PDS5B: variants seen among roughly 807,000 people sequenced by gnomAD.
PDS5B encodes PDS5 cohesin associated factor B.
PDS5B carries 51 observed loss-of-function variants against 184.1 expected under a neutral mutation model. The ratio of observed to expected loss-of-function variants is 0.28; its 90% confidence interval spans 0.22 to 0.35. The LOEUF (loss-of-function observed/expected upper bound fraction) is 0.35. PDS5B is among the 10% of genes least tolerant of loss of function. The pLI is 1.00. For missense variants in PDS5B, 1,180 were observed against 1,723.3 expected (o/e 0.68, Z 5.58); for synonymous variants, 566 against 569.2 (o/e 0.99, Z 0.08).
intron 10 of PDS5B, among the ~76,000 whole-genome samples, chr13:32,683,140 G>A (rs542078901): frequency 7.8e-4 from 118 of 152,090 alleles, no homozygotes; most frequent in Non-Finnish European, 1.5e-3. Flanking sequence ...AGCCTCGCGA[G>A]TAGCTGGGAC....
At position 32,688,682 on chromosome 13, in the gene PDS5B, A is replaced by C. The variant is rs1951463202; in HGVS notation, c.1469+113A>C. 4.1e-6 allele frequency: 3 copies of C among 731,406 alleles called. No individual in the cohort carries two copies. The African/African-American group carries it at 5.3e-5, about 13-fold the overall frequency. The allele number at this position is 731,406 out of a possible 1,614,324, so 45.3% of individuals were successfully genotyped here. ...AAAATGTAATCTATGTAGTGTAAAC[A>C]TTGTTTAAAGGGTTATGTCGTAGTA... On this transcript the variant is annotated intron_variant, in intron 13 of 34. Coordinates refer to ENST00000315596, the MANE Select transcript of PDS5B (RefSeq NM_015032.4).
chr13:32,742,812 C>CTTTTTTT, intron 23 of PDS5B, 85 bp downstream of exon 23: 1 of 1,108,230 alleles, frequency 9.0e-7, no homozygotes, highest in South Asian at 1.5e-5. Flanking sequence ...GTTTCTTTTT[C>CTTTTTTT]TTTTTTTTTT....
intron 21 of PDS5B, among the ~76,000 whole-genome samples, chr13:32,740,287 T>G (rs886406678): frequency 6.6e-6 from 1 of 152,206 alleles, no homozygotes; most frequent in African/African-American, 2.4e-5. Flanking sequence ...GATCTTGACA[T>G]CCTTAGTTAG....
chr13:32,645,396 A>C (rs1388714912), intron 1 of PDS5B, among the ~76,000 whole-genome samples: 1 of 152,168 alleles, frequency 6.6e-6, no homozygotes. Context: ...ATGACATGGG[A>C]AATATTTCTT....
Position 32,693,410 on chromosome 13 carries a change from T to C in PDS5B, c.1470-813T>C, listed in dbSNP as rs529285956. ...CCAAAGGCATTTTTCAAACATATTG[T>C]TAAAGGGCAGAATTAAAATATTAAA... is the stretch of plus-strand genomic sequence containing the variant. On this transcript the variant is annotated intron_variant, in intron 13 of 34. Coordinates refer to ENST00000315596, the MANE Select transcript of PDS5B (RefSeq NM_015032.4). Among the ~76,000 whole-genome samples, 358 of 151,974 alleles carry C rather than the reference T, an allele frequency of 2.4e-3. 1 individual carries two copies. The highest frequency in any genetic ancestry group is 3.7e-3 in the Non-Finnish European group (253 of 67,802).
chr13:32,598,239 A>T (rs1423580162), intron 1 of PDS5B, among the ~76,000 whole-genome samples: 4 of 151,088 alleles, frequency 2.6e-5, no homozygotes, highest in African/African-American at 9.7e-5. Context: ...CGCCCAGCAA[A>T]TTTTTTTGTA....
intron 6 of PDS5B, among the ~76,000 whole-genome samples, chr13:32,659,719 A>G (rs1374786556): frequency 1.3e-5 from 2 of 152,138 alleles, no homozygotes; most frequent in Non-Finnish European, 2.9e-5. Flanking sequence ...CTGCGTGATT[A>G]ATTAAGATGT....
At chr13:32,647,146 T>A (rs1207242086) in intron 1 of PDS5B, among the ~76,000 whole-genome samples, 1 of 152,212 alleles carries the variant, frequency 6.6e-6, no homozygotes, top group Admixed American at 6.5e-5. Context: ...GGTACTCTCA[T>A]GAATCCCATG....
At chr13:32,651,721 T>G (rs536834286) in intron 2 of PDS5B, 83 bp from the exon 3 acceptor site, 24 of 782,826 alleles carry the variant, frequency 3.1e-5, no homozygotes, top group Non-Finnish European at 4.4e-5. Flanking sequence ...GAAGTTAACC[T>G]TAGCAATTAA....
At chr13:32,665,426 C>T (rs985396748) in intron 6 of PDS5B, among the ~76,000 whole-genome samples, 4 of 151,120 alleles carry the variant, frequency 2.6e-5, no homozygotes, top group Admixed American at 2.0e-4. Flanking sequence ...CCTGTCTCTA[C>T]TAAATACAAA....
At chr13:32,719,711 C>CA (rs1470899705) in intron 19 of PDS5B, among the ~76,000 whole-genome samples, 1 of 151,214 alleles carries the variant, frequency 6.6e-6, no homozygotes, top group Non-Finnish European at 1.5e-5. Flanking sequence ...GTTGGAAACA[C>CA]AAATGATATG....
intron 19 of PDS5B, among the ~76,000 whole-genome samples, chr13:32,717,011 G>A (rs1249539496): frequency 2.9e-5 from 4 of 136,604 alleles, no homozygotes; most frequent in Non-Finnish European, 6.3e-5. Context: ...CCGTCCGGGA[G>A]GGAGGTGGGG....
chr13:32,682,923 CTTG>C lies in PDS5B; in HGVS notation c.1058-950_1058-948del, dbSNP rs541168650. On this transcript the variant is annotated intron_variant, in intron 10 of 34. Transcript: ENST00000315596. The stretch of plus-strand genomic sequence containing the variant: ...CTTTTCCTTTGTCCTGTGACATTTA[CTTG>C]TTGTCCATCTGCCAAAATTTTGTTG... Among the ~76,000 whole-genome samples the C allele has an allele frequency of 3.7e-3, 556 of 152,316 alleles. 1 individual carries two copies. The highest frequency in any genetic ancestry group is 5.8e-3 in the South Asian group (28 of 4,828).
At position 32,687,247 on chromosome 13, in the gene PDS5B, A is replaced by G. The variant is rs776227819; in HGVS notation, c.1317A>G (p.Lys439=). The G allele has an allele frequency of 5.2e-5, 84 of 1,600,918 alleles. No individual in the cohort carries two copies. The highest frequency in any genetic ancestry group is 6.9e-5 in the Non-Finnish European group (81 of 1,173,996). ...AAKQIAWIKD[K]LLHIYYQNSI... is the part of the protein sequence containing the mutation. Reference sequence around the variant, plus strand: ...AACAGATAGCATGGATCAAAGACAAATTGCTACATATATATTATCAAAATA... The same window carrying G: ...AACAGATAGCATGGATCAAAGACAAGTTGCTACATATATATTATCAAAATA... Residue 439 remains lysine, a synonymous_variant, in exon 12 of 35, where the codon AAA becomes AAG. Coordinates refer to ENST00000315596, the MANE Select transcript of PDS5B (RefSeq NM_015032.4).
intron 9 of PDS5B, among the ~76,000 whole-genome samples, chr13:32,677,896 C>T (rs1951115163): frequency 6.6e-6 from 1 of 151,954 alleles, no homozygotes. Context: ...TACTATTTTA[C>T]ATTCTGTGAT....
intron 24 of PDS5B, among the ~76,000 whole-genome samples, chr13:32,752,540 C>T (rs1356173483): frequency 6.6e-6 from 1 of 152,160 alleles, no homozygotes; most frequent in East Asian, 1.9e-4. Flanking sequence ...TTAAACCAAT[C>T]ATTTTAATAC....
chr13:32,721,182 T>G (rs899981068), intron 19 of PDS5B, among the ~76,000 whole-genome samples: 44 of 151,916 alleles, frequency 2.9e-4, no homozygotes, highest in Non-Finnish European at 5.6e-4. Context: ...GCGTGGTGGC[T>G]GGGCAGAGGG....
At chr13:32,680,013 G>T (rs78425185) in intron 10 of PDS5B, among the ~76,000 whole-genome samples, 3,455 of 151,996 alleles carry the variant, frequency 0.023, 79 homozygotes, top group South Asian at 0.062. Flanking sequence ...TATTTTCTCT[G>T]AGAGTGTCAA....
intron 1 of PDS5B, among the ~76,000 whole-genome samples, chr13:32,606,720 T>C (rs1212714789): frequency 6.6e-6 from 1 of 152,264 alleles, no homozygotes; most frequent in Non-Finnish European, 1.5e-5. Flanking sequence ...GATGTAGATT[T>C]GGTCTTTTCA....
Sources: gnomAD v4.1 joint callset for allele counts (sites outside exome capture counted in the v4.1 genomes callset) on GRCh38, gnomAD v4.1.1 for gene constraint, MANE v1.5 for transcripts, NCBI Gene and HGNC (gene_info 2026-07-23, HGNC 2026-07-21) for gene names.